Variants in NEBL observed in about 807,000 individuals in gnomAD.
The protein encoded by NEBL is LIM and SH3 protein 2.
NEBL carries 122 observed loss-of-function variants against 140.2 expected under a neutral mutation model. The observed-to-expected ratio is 0.87, with a 90% confidence interval of 0.75 to 1.01. NEBL has a LOEUF of 1.01. Ranked by LOEUF, NEBL falls within the 50% of genes least tolerant of loss-of-function variation. The pLI is 0.00. For missense variants in NEBL, 1,365 were observed against 1,231.3 expected (o/e 1.11, Z -1.62); for synonymous variants, 436 against 398.9 (o/e 1.09, Z -1.11).
At position 20,799,080 on chromosome 10, in the gene NEBL, T is replaced by C. The variant is rs114373101; in HGVS notation, c.2761+9430A>G. Among the ~76,000 whole-genome samples, 1,073 of 152,336 alleles carry C rather than the reference T, an allele frequency of 7.0e-3. 12 individuals are homozygous for C. The highest frequency in any genetic ancestry group is 0.024 in the African/African-American group (1,014 of 41,570). On this transcript the variant is annotated intron_variant, in intron 26 of 27. Transcript: ENST00000377122. The stretch of plus-strand genomic sequence containing the variant: ...CAGACTAGATGGTAAAATATAATCA[T>C]ATGATAGCCTACACATTGGAATTTA...
At chr10:20,860,866 T>C (rs1183285587) in intron 7 of NEBL, among the ~76,000 whole-genome samples, 1 of 152,168 alleles carries the variant, frequency 6.6e-6, no homozygotes, top group Non-Finnish European at 1.5e-5. Context: ...CAGGGACACA[T>C]GTTTGGAACC....
Position 20,951,893 on chromosome 10 carries a change from T to A in NEBL, c.357+9779A>T, listed in dbSNP as rs573959610. ...GCATCATGCACTGGAAATTGAGACG[T>A]GAAGCTAGTCTTTGTTAGACTTTCC... is the stretch of plus-strand genomic sequence containing the variant. On this transcript the variant is annotated intron_variant, in intron 4 of 6. Transcript: ENST00000417816. Among the ~76,000 whole-genome samples the A allele has an allele frequency of 1.5e-3, 228 of 152,338 alleles. 3 individuals carry two copies. The South Asian group carries it at 0.046, about 30-fold the overall frequency.
chr10:21,211,852 A>G (rs992555812), intron 3 of NEBL, among the ~76,000 whole-genome samples: 3 of 152,150 alleles, frequency 2.0e-5, no homozygotes, highest in African/African-American at 7.2e-5. Context: ...TCATTCTCCA[A>G]TGGTAATTGG....
intron 12 of NEBL, among the ~76,000 whole-genome samples, 158 bp downstream of exon 12, chr10:20,845,088 TTCTTGTTTCTAA>T (rs1841775650): frequency 6.6e-6 from 1 of 152,052 alleles, no homozygotes; most frequent in Non-Finnish European, 1.5e-5. Flanking sequence ...AACACACACT[TTCTTGTTTCTAA>T]TGAAAATGCA....
At chr10:21,047,890 T>A (rs1444019929) in intron 2 of NEBL, among the ~76,000 whole-genome samples, 2 of 152,234 alleles carry the variant, frequency 1.3e-5, no homozygotes, top group Non-Finnish European at 2.9e-5. Flanking sequence ...TATATAAATT[T>A]CAAGTATTAT....
chr10:20,903,507 A>G (rs1588984511), intron 4 of NEBL, among the ~76,000 whole-genome samples: 1 of 152,182 alleles, frequency 6.6e-6, no homozygotes. Context: ...CAGCAATCCC[A>G]CTACTGGGTA....
chr10:21,188,492 C>T (rs1255558069), intron 3 of NEBL, among the ~76,000 whole-genome samples: 1 of 151,722 alleles, frequency 6.6e-6, no homozygotes, highest in Non-Finnish European at 1.5e-5. Context: ...TATTTCTTCT[C>T]AAAGTTTAAC....
intron 2 of NEBL, among the ~76,000 whole-genome samples, chr10:21,037,094 C>G (rs909652593): frequency 6.6e-6 from 1 of 152,150 alleles, no homozygotes; most frequent in Non-Finnish European, 1.5e-5. Context: ...AAGTCTAAAA[C>G]CTACTCAGGA....
At chr10:21,234,443 A>G (rs1165937841) in intron 3 of NEBL, among the ~76,000 whole-genome samples, 4 of 152,104 alleles carry the variant, frequency 2.6e-5, no homozygotes, top group Non-Finnish European at 4.4e-5. Context: ...TTCACCTGCT[A>G]TGGGTAAAAG....
intron 26 of NEBL, among the ~76,000 whole-genome samples, chr10:20,804,967 C>A (rs1033946105): frequency 6.6e-6 from 1 of 152,108 alleles, no homozygotes; most frequent in Non-Finnish European, 1.5e-5. Context: ...GCAAACCAGT[C>A]AGGAGGCAAC....
At chr10:20,802,074 C>T (rs900791275) in intron 26 of NEBL, among the ~76,000 whole-genome samples, 2 of 152,202 alleles carry the variant, frequency 1.3e-5, no homozygotes, top group South Asian at 4.1e-4. Context: ...AAACACATAG[C>T]ATACCTGAAG....
At chr10:21,133,525 G>A (rs943123696) in intron 2 of NEBL, among the ~76,000 whole-genome samples, 1 of 152,104 alleles carries the variant, frequency 6.6e-6, no homozygotes, top group Non-Finnish European at 1.5e-5. Flanking sequence ...TCTCTTTTCT[G>A]TGTATCAGAT....
At chr10:21,066,971 C>CTTTTTTTTTTTTTTTTTTTTTTTT (rs56352671) in intron 2 of NEBL, among the ~76,000 whole-genome samples, 1 of 112,832 alleles carries the variant, frequency 8.9e-6, no homozygotes, top group Non-Finnish European at 1.7e-5. Flanking sequence ...AATAATTTAA[C>CTTTTTTTTTTTTTTTTTTTTTTTT]TTTTTTTTTT....
At chr10:21,267,858 A>G (rs995879804) in intron 1 of NEBL, among the ~76,000 whole-genome samples, 6 of 152,218 alleles carry the variant, frequency 3.9e-5, no homozygotes, top group Non-Finnish European at 8.8e-5. Flanking sequence ...TCAAAAGAAC[A>G]TTTTCATCAA....
chr10:21,033,189 A>T (rs1180947729), intron 2 of NEBL, among the ~76,000 whole-genome samples: 1 of 152,198 alleles, frequency 6.6e-6, no homozygotes, highest in African/African-American at 2.4e-5. Context: ...ATTACAGCCA[A>T]GAGAAACACA....
intron 3 of NEBL, among the ~76,000 whole-genome samples, chr10:21,246,217 A>G (rs1324158038): frequency 6.6e-6 from 1 of 152,214 alleles, no homozygotes; most frequent in South Asian, 2.1e-4. Flanking sequence ...TGTTTAAAAA[A>G]TATTTGTTCT....
In NEBL at chr10:20,850,491, T is replaced by G; in HGVS notation, c.1020A>C (p.Lys340Asn). 6.3e-7 allele frequency: 1 copy of G among 1,595,684 alleles called. No individual in the cohort carries two copies. The highest frequency in any genetic ancestry group is 8.6e-7 in the Non-Finnish European group (1 of 1,163,482). Residue 340 changes from lysine (K) to asparagine (N), a missense_variant, in exon 11 of 28, where the codon AAA becomes AAC. Lys to Asn is a moderately conservative substitution (Grantham distance 94). Around this residue, in one of 2 missense-constraint regions of NEBL, gnomAD observed 1,323 missense variants for 1,154.8 expected, o/e 1.15. Coordinates refer to ENST00000377122, the MANE Select transcript of NEBL (RefSeq NM_006393.3). ...NAVLQSQVKYKEEYEKNKGKP... is the reference protein window; with the variant it reads ...NAVLQSQVKYNEEYEKNKGKP... ...TTCCCTTATTTTTCTCATATTCTTC[T>G]TTATATTTCACCTTCATTGGAAAAA...
chr10:20,967,353 C>A (rs1836364853), intron 3 of NEBL, among the ~76,000 whole-genome samples: 1 of 152,184 alleles, frequency 6.6e-6, no homozygotes, highest in African/African-American at 2.4e-5. Flanking sequence ...CAGGGCTGGG[C>A]ATGGTGGCTC....
intron 2 of NEBL, among the ~76,000 whole-genome samples, chr10:21,074,300 T>G (rs1009328986): frequency 2.6e-5 from 4 of 152,040 alleles, no homozygotes; most frequent in Non-Finnish European, 5.9e-5. Flanking sequence ...TTAAGTCTCT[T>G]TAGATCTAGG....
Sources: gnomAD v4.1 joint callset for allele counts (sites outside exome capture counted in the v4.1 genomes callset) on GRCh38, gnomAD v4.1.1 for gene constraint, gnomAD v4.1.1 regional missense constraint, MANE v1.5 for transcripts, NCBI Gene and HGNC (gene_info 2026-07-23, HGNC 2026-07-21) for gene names.